RHOT1: variants seen among roughly 807,000 people sequenced by gnomAD.
The protein encoded by RHOT1 is mitochondrial Rho GTPase 1.
In RHOT1, 27 loss-of-function variants were observed where a neutral mutation model predicts 95.3. The ratio of observed to expected loss-of-function variants is 0.28; its 90% CI spans 0.21 to 0.39. The LOEUF is 0.39. Among genes scored for constraint, RHOT1 ranks in the 10% least tolerant of loss-of-function variants. The pLI is 1.00. For synonymous variants in RHOT1, 227 were observed against 263.5 expected (o/e 0.86, Z 1.34); for missense variants, 578 against 786.7 (o/e 0.73, Z 3.17).
chr17:32,186,402 C>T (rs1194084033), intron 8 of RHOT1, among the ~76,000 whole-genome samples: 14 of 143,986 alleles, frequency 9.7e-5, no homozygotes, highest in African/African-American at 2.6e-4. Context: ...CTTGCTCTGT[C>T]GCCCAGGCTG....
At position 32,157,826 on chromosome 17, in the gene RHOT1, G is replaced by GA. The variant is rs967633636; in HGVS notation, c.38-13205dup. On this transcript the variant is annotated intron_variant, in intron 1 of 19. Coordinates refer to ENST00000545287, the MANE Select transcript of RHOT1 (RefSeq NM_001033566.3). ...TCCCCCGCTCCCACCCCGCCGCCCA[G>GA]AAAAAAAAAAAAGAATACGTGTGTC... is the stretch of plus-strand genomic sequence containing the variant. Among the ~76,000 whole-genome samples the GA allele has an allele frequency of 6.8e-4, 95 of 140,230 alleles. 1 individual carries two copies. Among genetic ancestry groups the GA allele is most frequent in the Middle Eastern group, 3.6e-3 (1 of 278 alleles). 92.0% of individuals were successfully genotyped at this position (140,230 alleles called of 152,430 possible). A position where few individuals can be genotyped will look rare whatever the true frequency, so the allele number is the denominator to read the frequency against.
rs1354472582 is a variant in RHOT1 at position 32,199,550 on chromosome 17, C to T, written c.1100C>T (p.Thr367Met). ...ITYQGFLSQW[T>M]LTTYLDVQRC... ...TACCAGGGATTCCTTTCCCAGTGGA[C>T]GTGAGTATAGAGCTCACCTCTTTCC... Residue 367 changes from threonine to methionine, a missense_variant and splice_region_variant, in exon 13 of 20, where the codon ACG becomes ATG. By Grantham distance (81) the Thr-to-Met change is moderately conservative (BLOSUM62 -1). This residue lies in a region of RHOT1 where 4 missense variants were observed against 17.5 expected (regional missense o/e 0.23). Coordinates refer to ENST00000545287, the MANE Select transcript of RHOT1 (RefSeq NM_001033566.3). The T allele has an allele frequency of 2.5e-6, 4 of 1,606,188 alleles. No homozygotes were observed. The African/African-American group carries it at 4.0e-5, about 16-fold the overall frequency.
intron 11 of RHOT1, 34 bp from the exon 12 acceptor site, chr17:32,198,913 A>G (rs758847428): frequency 1.5e-6 from 2 of 1,325,424 alleles, no homozygotes; most frequent in Non-Finnish European, 2.1e-6. Flanking sequence ...ACATTTGATT[A>G]ATGATTTATT....
At chr17:32,169,880 C>G (rs1258519196) in intron 1 of RHOT1, among the ~76,000 whole-genome samples, 1 of 151,892 alleles carries the variant, frequency 6.6e-6, no homozygotes, top group African/African-American at 2.4e-5. Context: ...GTAGTGGCAT[C>G]TGCCTGTAGT....
chr17:32,176,542 T>TTTTATTTATTTATTTATTTA (rs368484694), intron 6 of RHOT1, among the ~76,000 whole-genome samples: 1 of 140,568 alleles, frequency 7.1e-6, no homozygotes, highest in South Asian at 2.2e-4. Context: ...AAAGTCTCAG[T>TTTTATTTATTTATTTATTTA]TTTATTTATT....
At chr17:32,163,164 AATGAAAAGAGC>A (rs1287578382) in intron 1 of RHOT1, among the ~76,000 whole-genome samples, 1 of 152,192 alleles carries the variant, frequency 6.6e-6, no homozygotes, top group African/African-American at 2.4e-5. Flanking sequence ...TGAGTCAGAA[AATGAAAAGAGC>A]ATGTAAGAAA....
At chr17:32,206,423 CTT>C (rs2037742397) in intron 16 of RHOT1, among the ~76,000 whole-genome samples, 1 of 121,462 alleles carries the variant, frequency 8.2e-6, no homozygotes, top group Non-Finnish European at 1.7e-5. Flanking sequence ...TCAGAAGATA[CTT>C]ATTTGTCTAT....
At chr17:32,144,286 G>A (rs1259161439) in intron 1 of RHOT1, among the ~76,000 whole-genome samples, 1 of 152,114 alleles carries the variant, frequency 6.6e-6, no homozygotes, top group African/African-American at 2.4e-5. Context: ...TGTGGCTCAT[G>A]CCTGTAATCC....
At chr17:32,145,202 A>G (rs1270429386) in intron 1 of RHOT1, among the ~76,000 whole-genome samples, 1 of 152,062 alleles carries the variant, frequency 6.6e-6, no homozygotes, top group East Asian at 1.9e-4. Flanking sequence ...CAGGAGGCTA[A>G]GGCAGGAGAA....
At chr17:32,202,730 G>T in intron 14 of RHOT1, 40 bp from the exon 15 acceptor site, 1 of 1,450,574 alleles carries the variant, frequency 6.9e-7, no homozygotes, top group Non-Finnish European at 9.4e-7. Context: ...AATCTAAGTG[G>T]TACATATTTA....
chr17:32,159,957 C>T (rs2033378962), intron 1 of RHOT1: 1 of 152,268 alleles, frequency 6.6e-6, no homozygotes, highest in Non-Finnish European at 1.5e-5. Context: ...GACGCGGGTC[C>T]TCCCATGGCT....
At chr17:32,218,022 C>G (rs2038590673) in intron 19 of RHOT1, among the ~76,000 whole-genome samples, 2 of 151,722 alleles carry the variant, frequency 1.3e-5, no homozygotes, top group African/African-American at 4.8e-5. Flanking sequence ...ACCACCACAC[C>G]TGGCTAATTT....
chr17:32,144,324 G>C (rs1266031907), intron 1 of RHOT1, among the ~76,000 whole-genome samples: 6 of 152,118 alleles, frequency 3.9e-5, no homozygotes, highest in African/African-American at 1.2e-4. Flanking sequence ...AAGGCAGGCA[G>C]ATCACTTGAG....
chr17:32,190,073 G>A (rs1358623531), intron 8 of RHOT1, among the ~76,000 whole-genome samples: 2 of 151,596 alleles, frequency 1.3e-5, no homozygotes, highest in African/African-American at 2.4e-5. Context: ...TCCTTTTTTG[G>A]TGTTACATTT....
At chr17:32,201,124 CAA>C (rs1412345173) in intron 14 of RHOT1, 68 bp downstream of exon 14, 14 of 925,704 alleles carry the variant, frequency 1.5e-5, no homozygotes, top group Middle Eastern at 2.3e-4. Context: ...TCAAATGTAA[CAA>C]AGAGTAAGAA....
intron 1 of RHOT1, among the ~76,000 whole-genome samples, chr17:32,160,962 A>G (rs1372031538): frequency 1.3e-5 from 2 of 151,958 alleles, no homozygotes; most frequent in East Asian, 3.9e-4. Context: ...TGGTGAAGTG[A>G]CTCCCCAACG....
intron 1 of RHOT1, among the ~76,000 whole-genome samples, chr17:32,163,041 T>A (rs964477755): frequency 6.6e-5 from 10 of 151,946 alleles, no homozygotes; most frequent in Non-Finnish European, 1.2e-4. Flanking sequence ...TAGTGGGAAA[T>A]GAGATTAGGT....
chr17:32,191,357 A>T (rs2036475394), intron 8 of RHOT1, among the ~76,000 whole-genome samples: 1 of 152,120 alleles, frequency 6.6e-6, no homozygotes, highest in South Asian at 2.1e-4. Flanking sequence ...ATATTTCCTC[A>T]CCTTGACATC....
chr17:32,195,074 C>G (rs543641744), intron 11 of RHOT1, among the ~76,000 whole-genome samples: 1 of 151,812 alleles, frequency 6.6e-6, no homozygotes, highest in Non-Finnish European at 1.5e-5. Context: ...ATCCACCCGC[C>G]TCAGCCTCCC....
Sources: allele counts gnomAD v4.1 joint callset (sites outside exome capture counted in the v4.1 genomes callset), GRCh38; gene constraint gnomAD v4.1.1; regional missense constraint gnomAD v4.1.1; transcripts MANE v1.5; gene names NCBI Gene and HGNC (gene_info 2026-07-23, HGNC 2026-07-21).